Variants in NPAP1 observed in about 807,000 individuals in gnomAD.
The protein encoded by NPAP1 is nuclear pore-associated protein 1.
For missense variants in NPAP1, 1,483 were observed against 1,454.5 expected (o/e 1.02, Z -0.32); for synonymous variants, 616 against 581.4 (o/e 1.06, Z -0.86).
chr15:24,678,510 G>C lies in NPAP1; in HGVS notation c.2643G>C (p.Arg881Ser), dbSNP rs1425165215. 1 of 1,614,164 alleles carries C rather than the reference G, an allele frequency of 6.2e-7. No homozygotes were observed. Among genetic ancestry groups the C allele is most frequent in the Non-Finnish European group, 8.5e-7 (1 of 1,180,030 alleles). Residue 881 changes from arginine (R) to serine (S), a missense_variant, in exon 1 of 1, where the codon AGG becomes AGC. Coordinates refer to ENST00000329468, the MANE Select transcript of NPAP1 (RefSeq NM_018958.3). ...CCAGTTTTCCTGCACAGGCAGATAG[G>C]AGACCAACCACAACTTCCAGCCATC... ...VSTSFPAQAD[R>S]RPTTTSSHPL...
rs746294336 is a variant in NPAP1 at position 24,677,110 on chromosome 15, ACTTACACTTCCCAGGTCTCAG to A, written c.1246_1266del (p.Tyr416_Ala422del). Reference sequence around the variant, plus strand: ...GACCACAGACTCCCTGCCCCTGACCACTTACACTTCCCAGGTCTCAGCTCCTTTGCCCATCCCTGACTTGGC... The same window carrying A: ...GACCACAGACTCCCTGCCCCTGACCACTCCTTTGCCCATCCCTGACTTGGC... On this transcript the variant is annotated inframe_deletion, in exon 1 of 1. Coordinates refer to ENST00000329468, the MANE Select transcript of NPAP1 (RefSeq NM_018958.3). The A allele has an allele frequency of 6.2e-7, 1 of 1,613,964 alleles. No homozygotes were observed. Among genetic ancestry groups the A allele is most frequent in the Non-Finnish European group, 8.5e-7 (1 of 1,179,990 alleles).
At position 24,678,401 on chromosome 15, in the gene NPAP1, A is replaced by T. The variant is rs1292341553; in HGVS notation, c.2534A>T (p.Glu845Val). Reference protein sequence around the residue: ...ILQSTFVSRKEEYIRFYMGLP... With the variant: ...ILQSTFVSRKVEYIRFYMGLP... Reference sequence around the variant, plus strand: ...CAGTCTACCTTTGTCTCCAGGAAGGAGGAGTACATCCGATTTTATATGGGG... The same window carrying T: ...CAGTCTACCTTTGTCTCCAGGAAGGTGGAGTACATCCGATTTTATATGGGG... Residue 845 changes from glutamate (E) to valine (V), a missense_variant, in exon 1 of 1, where the codon GAG (glutamate) becomes GTG (valine). By Grantham distance (121) the Glu-to-Val change is moderately radical. Transcript: ENST00000329468. 1.2e-6 allele frequency: 2 copies of T among 1,613,858 alleles called. No homozygotes were observed. Among genetic ancestry groups the T allele is most frequent in the Non-Finnish European group, 1.7e-6 (2 of 1,180,010 alleles).
rs922286707 is a variant in NPAP1, at chr15:24,678,213, G to C, written c.2346G>C (p.Gln782His). Residue 782 changes from glutamine (Q) to histidine (H), a missense_variant, in exon 1 of 1, where the codon CAG becomes CAC. Coordinates refer to ENST00000329468, the MANE Select transcript of NPAP1 (RefSeq NM_018958.3). ...TTGGGGCCCCTGATGGGCCGCAGCA[G>C]AAAACCTCTCTCCCCAGTGCCCATG... The part of the protein sequence containing the change: ...PKFGAPDGPQ[Q>H]KTSLPSAHDF... 6.2e-7 allele frequency: 1 copy of C among 1,612,752 alleles called. No individual in the cohort carries two copies. The highest frequency in any genetic ancestry group is 8.5e-7 in the Non-Finnish European group (1 of 1,179,694).
At position 24,676,187 on chromosome 15, in the gene NPAP1, G is replaced by A. The variant is rs2141307477; in HGVS notation, c.320G>A (p.Arg107Lys). The stretch of plus-strand genomic sequence containing the variant: ...ATGCTGCCTGCTCGGAACCCCCCGA[G>A]GTTTGGACACCCCAGTTCCGTAAGG... ...TPMLPARNPP[R>K]FGHPSSVRIP... is the part of the protein sequence containing the mutation. The change falls in exon 1 of 1, where the codon AGG becomes AAG. Residue 107 changes from arginine to lysine, a missense_variant. By Grantham distance (26) the Arg-to-Lys change is conservative (BLOSUM62 2). Transcript: ENST00000329468. 1 of 1,569,922 alleles carries A rather than the reference G, an allele frequency of 6.4e-7. No homozygotes were observed. Among genetic ancestry groups the A allele is most frequent in the Non-Finnish European group, 8.6e-7 (1 of 1,159,996 alleles).
In NPAP1 at chr15:24,677,603, A is replaced by G. The variant is rs758609267; in HGVS notation, c.1736A>G (p.Asp579Gly). 6.2e-7 allele frequency: 1 copy of G among 1,614,162 alleles called. No individual in the cohort carries two copies. The highest frequency in any genetic ancestry group is 1.1e-5 in the South Asian group (1 of 91,088). ...GTAGACCCTGAAGTAGTTAATATGG[A>G]TACTACTGCCCCATCTCAGGTTGTT... ...TAVDPEVVNM[D>G]TTAPSQVVIF... is the part of the protein sequence containing the mutation. The change falls in exon 1 of 1, where the codon GAT becomes GGT. Residue 579 changes from aspartate (D) to glycine (G), a missense_variant. Coordinates refer to ENST00000329468, the MANE Select transcript of NPAP1 (RefSeq NM_018958.3).
chr15:24,681,837 G>GATAGATAGATAGATAT lies in NPAP1; in HGVS notation c.*2506_*2507insGATAGATATATAGATA. The GATAGATAGATAGATAT allele has an allele frequency of 6.0e-6, 1 of 166,976 alleles. No individual in the cohort carries two copies. The allele number at this position is 166,976 out of a possible 1,614,324, so 10.3% of individuals were successfully genotyped here. A position where few individuals can be genotyped will look rare whatever the true frequency, so the allele number is the denominator to read the frequency against. ...TAGATGATAGATAGATAGATAGATA[G>GATAGATAGATAGATAT]ATAGATAATATACATATATATGTAT... On this transcript the variant is annotated 3_prime_UTR_variant, in exon 1 of 1. Transcript: ENST00000329468.
chr15:24,677,821 C>G lies in NPAP1; in HGVS notation c.1954C>G (p.Pro652Ala), dbSNP rs367739516. 27 of 1,613,968 alleles carry G rather than the reference C, an allele frequency of 1.7e-5. No individual in the cohort carries two copies. Among genetic ancestry groups the G allele is most frequent in the Middle Eastern group, 1.6e-4 (1 of 6,084 alleles). The stretch of plus-strand genomic sequence containing the variant: ...CACCCCTCAGCCCAAATTTGAGGCT[C>G]CTGATGGGCAGCCGCAGAAAGCTTC... ...EATPQPKFEA[P>A]DGQPQKASLP... Residue 652 changes from proline (P) to alanine (A), a missense_variant, in exon 1 of 1, where the codon CCT (proline) becomes GCT (alanine). Physicochemically the swap from Pro to Ala is conservative, Grantham distance 27. Transcript: ENST00000329468.
At position 24,677,828 on chromosome 15, in the gene NPAP1, G is replaced by A; in HGVS notation, c.1961G>A (p.Gly654Glu). 6.2e-7 allele frequency: 1 copy of A among 1,613,948 alleles called. No individual in the cohort carries two copies. Among genetic ancestry groups the A allele is most frequent in the Non-Finnish European group, 8.5e-7 (1 of 1,179,984 alleles). The change falls in exon 1 of 1, where the codon GGG becomes GAG. Residue 654 changes from glycine to glutamate, a missense_variant. Coordinates refer to ENST00000329468, the MANE Select transcript of NPAP1 (RefSeq NM_018958.3). ...CAGCCCAAATTTGAGGCTCCTGATGGGCAGCCGCAGAAAGCTTCTCTCCCC... is the reference window on the plus strand; with the variant it reads ...CAGCCCAAATTTGAGGCTCCTGATGAGCAGCCGCAGAAAGCTTCTCTCCCC... ...TPQPKFEAPDGQPQKASLPSA... is the reference protein window; with the variant it reads ...TPQPKFEAPDEQPQKASLPSA...
Position 24,681,435 on chromosome 15 carries a change from C to A in NPAP1, c.*2097C>A, listed in dbSNP as rs755318149. On this transcript the variant is annotated 3_prime_UTR_variant, in exon 1 of 1. Coordinates refer to ENST00000329468, the MANE Select transcript of NPAP1 (RefSeq NM_018958.3). ...TTATGGACTGAATGTTTGTGTACCC[C>A]CAAAAATTGATATTTTGAAGCCTAA... 3 of 163,286 alleles carry A rather than the reference C, an allele frequency of 1.8e-5. No individual in the cohort carries two copies. Among genetic ancestry groups the A allele is most frequent in the Non-Finnish European group, 4.4e-5 (3 of 68,068 alleles). The allele number at this position is 163,286 out of a possible 1,614,324, so 10.1% of individuals were successfully genotyped here.
Position 24,677,533 on chromosome 15 carries a change from A to G in NPAP1, c.1666A>G (p.Thr556Ala), listed in dbSNP as rs145986160. The G allele has an allele frequency of 3.0e-4, 482 of 1,613,986 alleles. No individual in the cohort carries two copies. The highest frequency in any genetic ancestry group is 2.2e-4 in the Non-Finnish European group (262 of 1,180,004). The change falls in exon 1 of 1, where the codon ACT (threonine) becomes GCT (alanine). Residue 556 changes from threonine (T) to alanine (A), a missense_variant. Physicochemically the swap from Thr to Ala is moderately conservative, Grantham distance 58. Coordinates refer to ENST00000329468, the MANE Select transcript of NPAP1 (RefSeq NM_018958.3). ...TATGAATTCCACGTCAGTCATTTCC[A>G]CTGTCACAACAAACGCATCTGCCCA... Reference protein sequence around the residue: ...KPMNSTSVISTVTTNASAHLT... With the variant: ...KPMNSTSVISAVTTNASAHLT...
chr15:24,679,696 C>G lies in NPAP1; in HGVS notation c.*358C>G, dbSNP rs2049004887. 1 of 252,362 alleles carries G rather than the reference C, an allele frequency of 4.0e-6. No individual in the cohort carries two copies. Among genetic ancestry groups the G allele is most frequent in the Non-Finnish European group, 8.3e-6 (1 of 121,148 alleles). 15.6% of individuals were successfully genotyped at this position (252,362 alleles called of 1,614,324 possible). A position where few individuals can be genotyped will look rare whatever the true frequency, so the allele number is the denominator to read the frequency against. ...TGTCAACATTCATTTGATAGAAGGC[C>G]CTCATGTGCCCATGTATCAGCAAAG... On this transcript the variant is annotated 3_prime_UTR_variant, in exon 1 of 1. Coordinates refer to ENST00000329468, the MANE Select transcript of NPAP1 (RefSeq NM_018958.3).
chr15:24,678,231 T>G lies in NPAP1; in HGVS notation c.2364T>G (p.Ser788Arg), dbSNP rs1161354313. Residue 788 changes from serine (S) to arginine (R), a missense_variant, in exon 1 of 1, where the codon AGT becomes AGG. Ser to Arg is a moderately radical substitution (Grantham distance 110). Coordinates refer to ENST00000329468, the MANE Select transcript of NPAP1 (RefSeq NM_018958.3). ...DGPQQKTSLPSAHDFLSLPIM... is the reference protein window; with the variant it reads ...DGPQQKTSLPRAHDFLSLPIM... ...CGCAGCAGAAAACCTCTCTCCCCAG[T>G]GCCCATGATTTCCTGAGCCTTCCTA... The G allele has an allele frequency of 1.9e-6, 3 of 1,613,416 alleles. No individual in the cohort carries two copies. Among genetic ancestry groups the G allele is most frequent in the South Asian group, 1.1e-5 (1 of 91,068 alleles).
rs972433542 is a variant in NPAP1, at chr15:24,679,503, T to A, written c.*165T>A. On this transcript the variant is annotated 3_prime_UTR_variant, in exon 1 of 1. Coordinates refer to ENST00000329468, the MANE Select transcript of NPAP1 (RefSeq NM_018958.3). ...CCAGGAGGGGACAACAACATCCCTG[T>A]GCTCCCTTTCTCTGTCAGTACACAT... 1.3e-5 allele frequency: 8 copies of A among 630,158 alleles called. No individual in the cohort carries two copies. Among genetic ancestry groups the A allele is most frequent in the Non-Finnish European group, 2.3e-5 (8 of 350,140 alleles). The allele number at this position is 630,158 out of a possible 1,614,324, so 39.0% of individuals were successfully genotyped here.
chr15:24,678,103 AC>A, the NPAP1 span: 2 of 1,613,478 alleles, frequency 1.2e-6, no homozygotes, highest in Non-Finnish European at 8.5e-7. Flanking sequence ...CCAAGGCTCC[AC>A]CAGTTTGCCT....
rs752817935 is a variant in NPAP1 at position 24,678,072 on chromosome 15, C to T, written c.2205C>T (p.Pro735=). ...TTCCTGGTTCTGGGAACACACAACC[C>T]AGCGGCAACACTGCCTCAGTCCAAG... is the stretch of plus-strand genomic sequence containing the variant. ...LGLPGSGNTQ[P]SGNTASVQGS... is the part of the protein sequence containing the mutation. The change falls in exon 1 of 1, where the codon CCC becomes CCT. Residue 735 remains proline, a synonymous_variant. Transcript: ENST00000329468. 4 of 1,613,892 alleles carry T rather than the reference C, an allele frequency of 2.5e-6. No homozygotes were observed. In the South Asian group the frequency reaches 3.3e-5, roughly 13 times the overall value.
rs775189386 is a variant in NPAP1 at position 24,676,314 on chromosome 15, C to T, written c.447C>T (p.Thr149=). Residue 149 remains threonine (T), a synonymous_variant, in exon 1 of 1, where the codon ACC becomes ACT. Transcript: ENST00000329468. ...KPIPATLLEE[T]EVWAQEGPRR... Reference sequence around the variant, plus strand: ...TCCCAGCCACTCTCCTGGAGGAGACCGAGGTGTGGGCCCAAGAAGGGCCCA... The same window carrying T: ...TCCCAGCCACTCTCCTGGAGGAGACTGAGGTGTGGGCCCAAGAAGGGCCCA... 7 of 1,523,432 alleles carry T rather than the reference C, an allele frequency of 4.6e-6. No homozygotes were observed. Among genetic ancestry groups the T allele is most frequent in the East Asian group, 2.3e-5 (1 of 44,166 alleles). The allele number at this position is 1,523,432 out of a possible 1,614,324, so 94.4% of individuals were successfully genotyped here. A position where few individuals can be genotyped will look rare whatever the true frequency, so the allele number is the denominator to read the frequency against.
Position 24,678,590 on chromosome 15 carries a change from A to C in NPAP1, c.2723A>C (p.Gln908Pro). Reference protein sequence around the residue: ...HSTLGATDGQQKSDSSFILGN... With the variant: ...HSTLGATDGQPKSDSSFILGN... ...ACACTTGGGGCCACTGATGGGCAGCAGAAGTCTGACAGTTCTTTTATTCTG... is the reference window on the plus strand; with the variant it reads ...ACACTTGGGGCCACTGATGGGCAGCCGAAGTCTGACAGTTCTTTTATTCTG... Residue 908 changes from glutamine (Q) to proline (P), a missense_variant, in exon 1 of 1, where the codon CAG (glutamine) becomes CCG (proline). Transcript: ENST00000329468. The C allele has an allele frequency of 6.2e-7, 1 of 1,614,084 alleles. No individual in the cohort carries two copies. The highest frequency in any genetic ancestry group is 8.5e-7 in the Non-Finnish European group (1 of 1,180,038).
chr15:24,678,845 A>G lies in NPAP1; in HGVS notation c.2978A>G (p.Asp993Gly). The change falls in exon 1 of 1, where the codon GAC becomes GGC. Residue 993 changes from aspartate (D) to glycine (G), a missense_variant. Transcript: ENST00000329468. Reference protein sequence around the residue: ...RIATGMPGTGDSTLLVGNTIP... With the variant: ...RIATGMPGTGGSTLLVGNTIP... ...GCCACTGGGATGCCTGGCACTGGAG[A>G]CAGTACCTTACTGGTTGGAAATACT... 1 of 1,614,182 alleles carries G rather than the reference A, an allele frequency of 6.2e-7. No homozygotes were observed. The highest frequency in any genetic ancestry group is 8.5e-7 in the Non-Finnish European group (1 of 1,180,022).
chr15:24,678,330 C>A lies in NPAP1; in HGVS notation c.2463C>A (p.Asp821Glu), dbSNP rs370588330. ...SAASLSKPAI[D>E]TSDMNTTPPS... Reference sequence around the variant, plus strand: ...CATCGTTATCCAAGCCTGCCATTGACACCAGTGACATGAATACCACCCCTC... The same window carrying A: ...CATCGTTATCCAAGCCTGCCATTGAAACCAGTGACATGAATACCACCCCTC... Residue 821 changes from aspartate (D) to glutamate (E), a missense_variant, in exon 1 of 1, where the codon GAC becomes GAA. Transcript: ENST00000329468. 1.2e-6 allele frequency: 2 copies of A among 1,613,904 alleles called. No individual in the cohort carries two copies. The highest frequency in any genetic ancestry group is 2.7e-5 in the African/African-American group (2 of 74,862).
Sources: gnomAD v4.1 joint callset for allele counts on GRCh38, gnomAD v4.1.1 for gene constraint, MANE v1.5 for transcripts, NCBI Gene and HGNC (gene_info 2026-07-23, HGNC 2026-07-21) for gene names.